Variants in CSRP2 observed in about 807,000 individuals in gnomAD.
The protein encoded by CSRP2 is cysteine and glycine rich protein 2.
CSRP2 carries 18 observed loss-of-function variants against 24.6 expected under a neutral mutation model. That is an observed-to-expected ratio of 0.73 (90% CI 0.51 to 1.09). The LOEUF is 1.09. Among genes scored for constraint, CSRP2 ranks in the 50% least tolerant of loss-of-function variants. CSRP2 has a pLI of 0.00. For missense variants in CSRP2, 215 were observed against 239.4 expected (o/e 0.90, Z 0.67); for synonymous variants, 87 against 84.3 (o/e 1.03, Z -0.18).
Position 76,869,580 on chromosome 12 carries a change from C to CACA in CSRP2, c.-1-3320_-1-3319insTGT, listed in dbSNP as rs1565826574. Among the ~76,000 whole-genome samples, 5 of 95,276 alleles carry CACA rather than the reference C, an allele frequency of 5.2e-5. No individual in the cohort carries two copies. The East Asian group carries it at 1.5e-3, about 28-fold the overall frequency. The allele number at this position is 95,276 out of a possible 152,430, so 62.5% of individuals were successfully genotyped here. On this transcript the variant is annotated intron_variant, in intron 1 of 5. Coordinates refer to ENST00000311083, the MANE Select transcript of CSRP2 (RefSeq NM_001321.3). Reference sequence around the variant, plus strand: ...CACACACACACACACACACACACACCCCTGACTGGTATGGCTTGTTATCAC... The same window carrying CACA: ...CACACACACACACACACACACACACCACACCTGACTGGTATGGCTTGTTATCAC...
chr12:76,861,484 G>A (rs1953678133), intron 3 of CSRP2: 1 of 151,606 alleles, frequency 6.6e-6, no homozygotes, highest in African/African-American at 2.4e-5. Context: ...TGAGGGAGAT[G>A]CAGGTTGAGT....
At chr12:76,875,826 T>C (rs1170477900) in intron 1 of CSRP2, among the ~76,000 whole-genome samples, 1 of 152,212 alleles carries the variant, frequency 6.6e-6, no homozygotes, top group Non-Finnish European at 1.5e-5. Flanking sequence ...CATTTAATCC[T>C]CATAACAACT....
intron 1 of CSRP2, among the ~76,000 whole-genome samples, chr12:76,870,310 T>C (rs1953784145): frequency 2.0e-5 from 3 of 152,252 alleles, no homozygotes; most frequent in African/African-American, 7.2e-5. Flanking sequence ...AATAACCTTG[T>C]TATTCTCTTC....
intron 1 of CSRP2, among the ~76,000 whole-genome samples, chr12:76,868,937 G>GA (rs980686297): frequency 0.011 from 672 of 61,240 alleles, 1 homozygote; most frequent in East Asian, 0.027. Context: ...CGCCTCAAAA[G>GA]AAAAAAAAAA....
At chr12:76,862,719 A>C (rs1953695075) in intron 3 of CSRP2, 1 of 1,298,938 alleles carries the variant, frequency 7.7e-7, no homozygotes, top group Non-Finnish European at 9.9e-7. Flanking sequence ...TCCATTTTTA[A>C]GTAAAAAATT....
At chr12:76,863,826 AAT>A (rs1491390125) in intron 2 of CSRP2, 1 of 146,462 alleles carries the variant, frequency 6.8e-6, no homozygotes, top group African/African-American at 2.5e-5. Context: ...ATCACAACCT[AAT>A]ACAGAACAGA....
At chr12:76,861,267 A>G (rs1953673995) in intron 3 of CSRP2, 4 of 151,734 alleles carry the variant, frequency 2.6e-5, no homozygotes, top group Admixed American at 2.6e-4. Flanking sequence ...ATGTCTTCCT[A>G]GCACTTTGGG....
In CSRP2 at chr12:76,863,508, G is replaced by A. The variant is rs114949383; in HGVS notation, c.113-164C>T. ...AAAGCCATGAGACAGCATCTGGACTGGCCAGCTACATTCGAGGATTATTTA... is the reference window on the plus strand; with the variant it reads ...AAAGCCATGAGACAGCATCTGGACTAGCCAGCTACATTCGAGGATTATTTA... On this transcript the variant is annotated intron_variant, in intron 2 of 5. Transcript: ENST00000311083. The A allele has an allele frequency of 1.1e-3, 661 of 581,832 alleles. 2 individuals are homozygous for A. The highest frequency in any genetic ancestry group is 0.011 in the African/African-American group (594 of 53,334). The allele number at this position is 581,832 out of a possible 1,614,324, so 36.0% of individuals were successfully genotyped here.
At chr12:76,866,353 C>T (rs1953735601) in intron 1 of CSRP2, 92 bp from the exon 2 acceptor site, 2 of 920,104 alleles carry the variant, frequency 2.2e-6, no homozygotes, top group African/African-American at 1.7e-5. Flanking sequence ...TGCAGATTTT[C>T]GTTTCTTTAT....
intron 1 of CSRP2, 99 bp downstream of exon 1, chr12:76,878,839 G>T (rs1027964195): frequency 3.3e-5 from 5 of 152,290 alleles, no homozygotes; most frequent in Non-Finnish European, 5.9e-5. Flanking sequence ...GGGCGCGCCG[G>T]CCGGGCGACA....
chr12:76,861,253 A>C (rs1953673770), intron 3 of CSRP2: 1 of 151,918 alleles, frequency 6.6e-6, no homozygotes, highest in South Asian at 2.1e-4. Context: ...CTACTGGAAA[A>C]ACAATGTCTT....
intron 1 of CSRP2, among the ~76,000 whole-genome samples, chr12:76,874,750 C>G (rs921123575): frequency 6.6e-6 from 1 of 152,070 alleles, no homozygotes; most frequent in Admixed American, 6.6e-5. Context: ...CCTGTCAGAT[C>G]GGCAGAGGCA....
chr12:76,863,942 C>G (rs1429149793), intron 2 of CSRP2: 1 of 152,226 alleles, frequency 6.6e-6, no homozygotes, highest in Non-Finnish European at 1.5e-5. Context: ...TAGTTTTCAT[C>G]ACTAGTCTAG....
intron 1 of CSRP2, among the ~76,000 whole-genome samples, chr12:76,871,586 C>T (rs530947486): frequency 3.5e-4 from 53 of 152,100 alleles, no homozygotes; most frequent in Middle Eastern, 3.4e-3. Flanking sequence ...CTGGCTAACA[C>T]GGTGAAACCC....
intron 1 of CSRP2, among the ~76,000 whole-genome samples, chr12:76,878,570 G>A (rs1953874972): frequency 6.6e-6 from 1 of 152,210 alleles, no homozygotes; most frequent in Non-Finnish European, 1.5e-5. Flanking sequence ...GGGACCGACG[G>A]CTGCTAAGAG....
chr12:76,863,484 AAG>A, intron 2 of CSRP2, 140 bp from the exon 3 acceptor site: 1 of 778,508 alleles, frequency 1.3e-6, no homozygotes. Context: ...GGCTTCCCAA[AAG>A]CCATGAGACA....
At chr12:76,876,349 A>C (rs1032113899) in intron 1 of CSRP2, among the ~76,000 whole-genome samples, 8 of 152,228 alleles carry the variant, frequency 5.3e-5, no homozygotes, top group African/African-American at 1.9e-4. Flanking sequence ...TACAACAATA[A>C]AATTTTTAAC....
intron 3 of CSRP2, chr12:76,862,882 C>G: frequency 6.5e-7 from 1 of 1,530,670 alleles, no homozygotes; most frequent in Non-Finnish European, 8.7e-7. Flanking sequence ...GACATCCGGT[C>G]TCCAAGGTGC....
At chr12:76,859,305 C>A (rs575034998) in intron 5 of CSRP2, among the ~76,000 whole-genome samples, 1 of 152,180 alleles carries the variant, frequency 6.6e-6, no homozygotes, top group Non-Finnish European at 1.5e-5. Flanking sequence ...CATATACTTA[C>A]GCTTTGCTCA....
Sources: allele counts gnomAD v4.1 joint callset (sites outside exome capture counted in the v4.1 genomes callset), GRCh38; gene constraint gnomAD v4.1.1; transcripts MANE v1.5; gene names NCBI Gene and HGNC (gene_info 2026-07-23, HGNC 2026-07-21).